LSAMP: variants seen among roughly 807,000 people sequenced by gnomAD.
LSAMP encodes the protein limbic system associated membrane protein.
LSAMP carries 7 observed loss-of-function variants against 38.6 expected under a neutral mutation model. The ratio of observed to expected loss-of-function variants is 0.18; its 90% CI spans 0.10 to 0.34. The LOEUF (loss-of-function observed/expected upper bound fraction) is 0.34, where lower values mean the gene tolerates loss of function less well. Among genes scored for constraint, LSAMP ranks in the 10% least tolerant of loss-of-function variants. The pLI, the probability that LSAMP is intolerant of heterozygous loss-of-function variation, is 1.00. For synonymous variants in LSAMP, 154 were observed against 166.8 expected (o/e 0.92, Z 0.59); for missense variants, 313 against 420.0 (o/e 0.75, Z 2.23).
At chr3:115,990,505 C>A (rs1939637234) in intron 3 of LSAMP, among the ~76,000 whole-genome samples, 1 of 151,942 alleles carries the variant, frequency 6.6e-6, no homozygotes, top group African/African-American at 2.4e-5. Context: ...GAGAAGTTTC[C>A]TCCAAAATGC....
chr3:116,358,690 T>C (rs1228089305), intron 1 of LSAMP, among the ~76,000 whole-genome samples: 3 of 152,192 alleles, frequency 2.0e-5, no homozygotes, highest in Non-Finnish European at 4.4e-5. Flanking sequence ...TCTTTATGCA[T>C]ACTTGTTTCT....
chr3:116,276,807 C>A (rs2047060637), intron 1 of LSAMP, among the ~76,000 whole-genome samples: 1 of 151,928 alleles, frequency 6.6e-6, no homozygotes, highest in Admixed American at 6.6e-5. Context: ...CCCAGTAGGA[C>A]AATTCTTATT....
intron 6 of LSAMP, among the ~76,000 whole-genome samples, chr3:115,831,183 T>C (rs1028296882): frequency 1.3e-5 from 2 of 152,130 alleles, no homozygotes; most frequent in South Asian, 4.1e-4. Context: ...ACCTGAAAGA[T>C]AATCTCAACA....
Position 116,012,837 on chromosome 3 carries a change from C to G in LSAMP, c.514+6678G>C, listed in dbSNP as rs192545846. ...ATAATGATATCAAGAATTGCTAATA[C>G]TGCACCAAGAACTTTGCCTACGTAT... On this transcript the variant is annotated intron_variant, in intron 3 of 6. Coordinates refer to ENST00000490035, the MANE Select transcript of LSAMP (RefSeq NM_002338.5). 3.2e-3 allele frequency among the ~76,000 whole-genome samples: 486 copies of G among 152,234 alleles called. 2 individuals carry two copies. Among genetic ancestry groups the G allele is most frequent in the African/African-American group, 0.011 (467 of 41,528 alleles).
intron 4 of LSAMP, among the ~76,000 whole-genome samples, 166 bp from the exon 5 acceptor site, chr3:115,842,744 CA>C (rs1349895770): frequency 1.3e-5 from 2 of 151,562 alleles, no homozygotes; most frequent in Admixed American, 1.3e-4. Flanking sequence ...GGTTGATCAC[CA>C]AAAAAGTAAA....
chr3:115,901,216 C>A (rs1489479117), intron 3 of LSAMP, among the ~76,000 whole-genome samples: 1 of 151,956 alleles, frequency 6.6e-6, no homozygotes, highest in African/African-American at 2.4e-5. Context: ...GTTATGGCAG[C>A]CAAGAGCAAC....
chr3:116,440,251 G>A (rs958241218), intron 1 of LSAMP, among the ~76,000 whole-genome samples: 1 of 152,132 alleles, frequency 6.6e-6, no homozygotes, highest in Admixed American at 6.5e-5. Flanking sequence ...GAGGGACAAG[G>A]ATATTGAGGC....
At chr3:116,163,070 T>A (rs971864716) in intron 1 of LSAMP, among the ~76,000 whole-genome samples, 1 of 151,998 alleles carries the variant, frequency 6.6e-6, no homozygotes, top group African/African-American at 2.4e-5. Context: ...AAGATCTTTT[T>A]TTTTAAATTT....
At chr3:116,400,188 T>G (rs530007673) in intron 1 of LSAMP, among the ~76,000 whole-genome samples, 2 of 152,108 alleles carry the variant, frequency 1.3e-5, no homozygotes, top group African/African-American at 4.8e-5. Flanking sequence ...CTATTAGGCT[T>G]TAGTTTTCTA....
At chr3:116,249,392 T>A (rs1335386301) in intron 1 of LSAMP, among the ~76,000 whole-genome samples, 9 of 16,794 alleles carry the variant, frequency 5.4e-4, no homozygotes, top group African/African-American at 6.0e-4. Context: ...GATTCTATAT[T>A]TTTTTTTTTT....
intron 1 of LSAMP, among the ~76,000 whole-genome samples, chr3:116,093,053 A>C (rs2107437026): frequency 6.6e-6 from 1 of 152,326 alleles, no homozygotes; most frequent in South Asian, 2.1e-4. Context: ...AATCCGCACC[A>C]GTTATCTATA....
At chr3:115,912,986 A>G (rs1937167468) in intron 3 of LSAMP, among the ~76,000 whole-genome samples, 1 of 152,184 alleles carries the variant, frequency 6.6e-6, no homozygotes, top group South Asian at 2.1e-4. Context: ...CAGGGGTTTT[A>G]GTTGTGTTTT....
intron 1 of LSAMP, among the ~76,000 whole-genome samples, chr3:116,434,491 T>A (rs1193058291): frequency 6.6e-6 from 1 of 152,198 alleles, no homozygotes. Flanking sequence ...ATTTCCTGAA[T>A]GCGCCAGAAC....
chr3:115,852,212 G>A (rs971715902), intron 4 of LSAMP, among the ~76,000 whole-genome samples: 1 of 152,218 alleles, frequency 6.6e-6, no homozygotes, highest in South Asian at 2.1e-4. Flanking sequence ...CGCCAGCAAT[G>A]TTAGTGCTGT....
chr3:116,270,303 T>G (rs1410609545), intron 1 of LSAMP, among the ~76,000 whole-genome samples: 2 of 152,016 alleles, frequency 1.3e-5, no homozygotes, highest in African/African-American at 4.8e-5. Context: ...CAATTCCCCT[T>G]CCAGTTAACA....
chr3:115,904,508 G>A lies in LSAMP; in HGVS notation c.515-51891C>T, dbSNP rs772710662. On this transcript the variant is annotated intron_variant, in intron 3 of 6. Coordinates refer to ENST00000490035, the MANE Select transcript of LSAMP (RefSeq NM_002338.5). ...TACAAATTTACCATACAACTCCTGC[G>A]TTTATAAAAATAGCAACCAAACACT... 1.8e-4 allele frequency among the ~76,000 whole-genome samples: 28 copies of A among 152,118 alleles called. 1 individual carries two copies. The highest frequency in any genetic ancestry group is 1.5e-3 in the South Asian group (7 of 4,826).
chr3:116,086,298 AC>A (rs752831831), intron 2 of LSAMP, 25 bp downstream of exon 2: 100 of 1,568,386 alleles, frequency 6.4e-5, no homozygotes, highest in Non-Finnish European at 8.5e-5. Flanking sequence ...CTTTCTTACC[AC>A]CCTTCTATCC....
chr3:115,843,342 C>A (rs192020977), intron 4 of LSAMP, among the ~76,000 whole-genome samples: 1 of 152,186 alleles, frequency 6.6e-6, no homozygotes, highest in African/African-American at 2.4e-5. Context: ...ACACATTTGA[C>A]GCTCTAATTT....
intron 1 of LSAMP, among the ~76,000 whole-genome samples, chr3:116,389,531 G>T (rs948846332): frequency 1.6e-4 from 25 of 151,982 alleles, no homozygotes; most frequent in African/African-American, 6.0e-4. Context: ...AAACATTCTG[G>T]GTATTTCTCA....
Sources: allele counts gnomAD v4.1 joint callset (sites outside exome capture counted in the v4.1 genomes callset), GRCh38; gene constraint gnomAD v4.1.1; transcripts MANE v1.5; gene names NCBI Gene and HGNC (gene_info 2026-07-23, HGNC 2026-07-21).